Variants in NARS1 observed in about 807,000 individuals in gnomAD.
NARS1 encodes the protein asparaginyl-tRNA synthetase 1, also known as asparagine--tRNA ligase, cytoplasmic.
A neutral mutation model predicts 79.2 loss-of-function variants in NARS1; 65 were observed. That is an observed-to-expected ratio of 0.82 (90% CI 0.67 to 1.01). NARS1 has a LOEUF of 1.01. NARS1 is among the 50% of genes least tolerant of loss of function. The pLI is 0.00. For missense variants in NARS1, 649 were observed against 673.8 expected, an observed-to-expected ratio of 0.96 and a Z score of 0.41; for synonymous variants, 229 against 238.8, an observed-to-expected ratio of 0.96 and a Z score of 0.38.
chr18:57,607,483 C>T lies in NARS1; in HGVS notation c.762G>A (p.Arg254=). 6.2e-7 allele frequency: 1 copy of T among 1,614,206 alleles called. No homozygotes were observed. The highest frequency in any genetic ancestry group is 8.5e-7 in the Non-Finnish European group (1 of 1,180,040). The change falls in exon 8 of 14, where the codon AGG becomes AGA. Residue 254 remains arginine, a synonymous_variant. Transcript: ENST00000256854. ...KILKARSMVT[R]CFRDHFFDRG... is the part of the protein sequence containing the mutation. ...TATCAAAGAAGTGATCTCTAAAGCACCTGGTGACCATGGATCGTGCTTTTA... is the reference window on the plus strand; with the variant it reads ...TATCAAAGAAGTGATCTCTAAAGCATCTGGTGACCATGGATCGTGCTTTTA...
At chr18:57,610,640 C>A (rs900010105) in intron 6 of NARS1, among the ~76,000 whole-genome samples, 1 of 152,068 alleles carries the variant, frequency 6.6e-6, no homozygotes, top group African/African-American at 2.4e-5. Flanking sequence ...CTAAAGGACA[C>A]CACAAGGATG....
chr18:57,608,591 G>C (rs1415534988), intron 7 of NARS1, among the ~76,000 whole-genome samples: 11 of 152,110 alleles, frequency 7.2e-5, no homozygotes, highest in Non-Finnish European at 1.3e-4. Context: ...TAGCCCATGA[G>C]GATGATTCAG....
chr18:57,617,812 G>A (rs1293116788), intron 2 of NARS1, among the ~76,000 whole-genome samples: 1 of 151,224 alleles, frequency 6.6e-6, no homozygotes, highest in Admixed American at 6.6e-5. Context: ...CTACTCGGGA[G>A]GCTGAGGCAG....
intron 10 of NARS1, 62 bp from the exon 11 acceptor site, chr18:57,606,032 A>C: frequency 9.2e-7 from 1 of 1,081,126 alleles, no homozygotes; most frequent in Non-Finnish European, 1.3e-6. Flanking sequence ...TAACACTAAA[A>C]TTTCCATTAA....
At position 57,606,695 on chromosome 18, in the gene NARS1, C is replaced by A; in HGVS notation, c.1058G>T (p.Arg353Leu). 6.2e-7 allele frequency: 1 copy of A among 1,614,106 alleles called. No homozygotes were observed. The highest frequency in any genetic ancestry group is 1.3e-5 in the African/African-American group (1 of 75,030). Residue 353 changes from arginine to leucine, a missense_variant, in exon 10 of 14, where the codon CGG (arginine) becomes CTG (leucine). Coordinates refer to ENST00000256854, the MANE Select transcript of NARS1 (RefSeq NM_004539.4). ...PFLTFDDLLN[R>L]LEDLVCDVVD... ...CACATCACAAACCAAGTCCTCCAACCGGTTCAGGAGGTCGTCAAAAGTCAG... is the reference window on the plus strand; with the variant it reads ...CACATCACAAACCAAGTCCTCCAACAGGTTCAGGAGGTCGTCAAAAGTCAG...
chr18:57,604,336 C>T (rs558576014), intron 11 of NARS1, among the ~76,000 whole-genome samples: 1 of 151,902 alleles, frequency 6.6e-6, no homozygotes, highest in Non-Finnish European at 1.5e-5. Flanking sequence ...GAGGACTGCT[C>T]GAGGCCAGGA....
chr18:57,602,284 T>C, intron 13 of NARS1, 71 bp downstream of exon 13: 1 of 1,444,922 alleles, frequency 6.9e-7, no homozygotes, highest in Non-Finnish European at 9.5e-7. Context: ...TTCTCCCCTT[T>C]TAAAAATTTC....
rs754289689 is a variant in NARS1 at position 57,607,247 on chromosome 18, C to A, written c.888G>T (p.Leu296Phe). 2 of 1,614,032 alleles carry A rather than the reference C, an allele frequency of 1.2e-6. No homozygotes were observed. Among genetic ancestry groups the A allele is most frequent in the South Asian group, 2.2e-5 (2 of 91,042 alleles). Reference protein sequence around the residue: ...KLDYFGEEAFLTQSSQLYLET... With the variant: ...KLDYFGEEAFFTQSSQLYLET... Reference sequence around the variant, plus strand: ...CCAAGTACAACTGAGAGGATTGAGTCAAAAATGCCTCTTCCCCAAAATAGT... The same window carrying A: ...CCAAGTACAACTGAGAGGATTGAGTAAAAAATGCCTCTTCCCCAAAATAGT... The change falls in exon 9 of 14, where the codon TTG (leucine) becomes TTT (phenylalanine). Residue 296 changes from leucine (L) to phenylalanine (F), a missense_variant. Leu to Phe is a conservative substitution (Grantham distance 22). Transcript: ENST00000256854.
At chr18:57,617,479 G>A (rs954250745) in intron 2 of NARS1, among the ~76,000 whole-genome samples, 2 of 150,482 alleles carry the variant, frequency 1.3e-5, no homozygotes, top group Non-Finnish European at 1.5e-5. Flanking sequence ...GGCTGAGGCA[G>A]GAGAATGGCG....
intron 11 of NARS1, among the ~76,000 whole-genome samples, chr18:57,604,516 A>T (rs2051537865): frequency 6.6e-6 from 1 of 152,246 alleles, no homozygotes; most frequent in Non-Finnish European, 1.5e-5. Context: ...ATCTACACAC[A>T]TTTCAACTGT....
chr18:57,603,250 G>A (rs1267793511), intron 11 of NARS1, among the ~76,000 whole-genome samples: 1 of 151,904 alleles, frequency 6.6e-6, no homozygotes, highest in Admixed American at 6.6e-5. Context: ...GCCCCAAGCT[G>A]TGACTAGACA....
chr18:57,617,502 G>T (rs1908098282), intron 2 of NARS1, among the ~76,000 whole-genome samples: 1 of 150,578 alleles, frequency 6.6e-6, no homozygotes, highest in Non-Finnish European at 1.5e-5. Context: ...AACCTGGGAG[G>T]CGGAGCTTGC....
Position 57,603,070 on chromosome 18 carries a change from T to G in NARS1, c.1252-127A>C. ...AGAGTAGAGGATACACACCTACCCT[T>G]AACCCATACACATTTGTGTAAAGAA... is the stretch of plus-strand genomic sequence containing the variant. On this transcript the variant is annotated intron_variant, in intron 11 of 13. Coordinates refer to ENST00000256854, the MANE Select transcript of NARS1 (RefSeq NM_004539.4). The G allele has an allele frequency of 9.3e-6, 7 of 755,228 alleles. No individual in the cohort carries two copies. The South Asian group carries it at 9.6e-5, about 10-fold the overall frequency. 46.8% of individuals were successfully genotyped at this position (755,228 alleles called of 1,614,324 possible).
At position 57,614,913 on chromosome 18, in the gene NARS1, C is replaced by T. The variant is rs534813648; in HGVS notation, c.342+728G>A. Reference sequence around the variant, plus strand: ...AAAGTAGGCCAGGCATGGTGGCTCACGCCTGTATTCCCAGCACTTTGGGAG... The same window carrying T: ...AAAGTAGGCCAGGCATGGTGGCTCATGCCTGTATTCCCAGCACTTTGGGAG... On this transcript the variant is annotated intron_variant, in intron 4 of 13. Transcript: ENST00000256854. Among the ~76,000 whole-genome samples, 12 of 152,256 alleles carry T rather than the reference C, an allele frequency of 7.9e-5. No individual in the cohort carries two copies. The East Asian group carries it at 1.9e-3, about 24-fold the overall frequency.
chr18:57,621,653 G>A lies in NARS1; in HGVS notation c.10+55C>T, dbSNP rs112085277. The A allele has an allele frequency of 6.0e-3, 9,428 of 1,564,720 alleles. 173 individuals carry two copies. The highest frequency in any genetic ancestry group is 0.053 in the African/African-American group (3,928 of 74,002). The stretch of plus-strand genomic sequence containing the variant: ...AGGAAAGCGCCGAAACCCGACTGGA[G>A]CAGAGTTCCTGCCCCAGGCAGGGAA... On this transcript the variant is annotated intron_variant, in intron 1 of 13. Coordinates refer to ENST00000256854, the MANE Select transcript of NARS1 (RefSeq NM_004539.4).
At position 57,606,753 on chromosome 18, in the gene NARS1, T is replaced by C; in HGVS notation, c.1002-2A>G. 6.2e-7 allele frequency: 1 copy of C among 1,614,094 alleles called. No individual in the cohort carries two copies. The highest frequency in any genetic ancestry group is 2.2e-5 in the East Asian group (1 of 44,870). ...CACTCAGCTTCCACGTGAGTGTACC[T>C]GAAGAACGAGACAATAGCTCAGCAC... On this transcript the variant is annotated splice_acceptor_variant, in intron 9 of 13. Coordinates refer to ENST00000256854, the MANE Select transcript of NARS1 (RefSeq NM_004539.4). LOFTEE classifies it high-confidence loss of function.
In NARS1 at chr18:57,621,766, C is replaced by T. The variant is rs11538129; in HGVS notation, c.-49G>A. 1 of 1,613,528 alleles carries T rather than the reference C, an allele frequency of 6.2e-7. No homozygotes were observed. The highest frequency in any genetic ancestry group is 8.5e-7 in the Non-Finnish European group (1 of 1,179,928). On this transcript the variant is annotated 5_prime_UTR_variant, in exon 1 of 14. Transcript: ENST00000256854. ...CCAAGGACACAGACTGCAACACCGA[C>T]GCCGTCTTATGACTCCAACGTGCAC...
chr18:57,602,746 T>G, intron 12 of NARS1, 66 bp downstream of exon 12: 2 of 1,539,548 alleles, frequency 1.3e-6, no homozygotes, highest in Non-Finnish European at 8.9e-7. Flanking sequence ...TGTACCTGAT[T>G]CCAGATGACA....
intron 12 of NARS1, 72 bp downstream of exon 12, chr18:57,602,740 C>T: frequency 6.6e-7 from 1 of 1,523,290 alleles, no homozygotes; most frequent in South Asian, 1.2e-5. Flanking sequence ...ATGAGCTGTA[C>T]CTGATTCCAG....
Sources: gnomAD v4.1 joint callset for allele counts (sites outside exome capture counted in the v4.1 genomes callset) on GRCh38, gnomAD v4.1.1 for gene constraint, MANE v1.5 for transcripts, NCBI Gene and HGNC (gene_info 2026-07-23, HGNC 2026-07-21) for gene names.